The following SLC38A6 variants were observed in gnomAD, a reference collection of about 807,000 sequenced individuals.
The protein encoded by SLC38A6 is solute carrier family 38 member 6, also known as N system amino acid transporter NAT-1.
In SLC38A6, 73 loss-of-function variants were observed where a neutral mutation model predicts 65.0. The observed-to-expected ratio is 1.12, with a 90% CI of 0.93 to 1.37. The LOEUF is 1.37. Among genes scored for constraint, SLC38A6 ranks in the 40% most tolerant of loss-of-function variants. The probability of loss-of-function intolerance (pLI) is 0.00; values close to 1 mark genes in which losing one functional copy is unlikely to be tolerated. For missense variants in SLC38A6, 561 were observed against 531.1 expected (o/e 1.06, Z -0.55); for synonymous variants, 183 against 178.8 (o/e 1.02, Z -0.19).
intron 3 of SLC38A6, among the ~76,000 whole-genome samples, chr14:61,006,156 A>G (rs1472825527): frequency 6.6e-6 from 1 of 152,198 alleles, no homozygotes; most frequent in Non-Finnish European, 1.5e-5. Flanking sequence ...TCCCTTCCTT[A>G]CACCTTATAC....
intron 15 of SLC38A6, among the ~76,000 whole-genome samples, chr14:61,072,573 T>C (rs1375930376): frequency 6.6e-6 from 1 of 152,210 alleles, no homozygotes; most frequent in Non-Finnish European, 1.5e-5. Flanking sequence ...GCTCTGTATG[T>C]CCATGAATTC....
intron 13 of SLC38A6, among the ~76,000 whole-genome samples, chr14:61,051,556 A>G (rs902135487): frequency 2.0e-5 from 3 of 152,158 alleles, no homozygotes; most frequent in Non-Finnish European, 4.4e-5. Context: ...TTGCATGTGA[A>G]AACTTTTTCT....
At chr14:61,003,403 C>T (rs950923597) in intron 3 of SLC38A6, among the ~76,000 whole-genome samples, 2 of 151,994 alleles carry the variant, frequency 1.3e-5, no homozygotes, top group Non-Finnish European at 2.9e-5. Context: ...CATTGTTGAG[C>T]ATTTAGGTTA....
At chr14:60,995,358 G>A (rs1292991486) in intron 3 of SLC38A6, among the ~76,000 whole-genome samples, 1 of 152,172 alleles carries the variant, frequency 6.6e-6, no homozygotes, top group African/African-American at 2.4e-5. Flanking sequence ...AATGAAATGA[G>A]CCAGACACAG....
In SLC38A6 at chr14:61,037,133, C is replaced by T; in HGVS notation, c.557C>T (p.Pro186Leu). 1.3e-6 allele frequency: 2 copies of T among 1,598,558 alleles called. No individual in the cohort carries two copies. The highest frequency in any genetic ancestry group is 1.7e-6 in the Non-Finnish European group (2 of 1,171,794). Residue 186 changes from proline to leucine, a missense_variant, in exon 7 of 16, where the codon CCC becomes CTC. By Grantham distance (98) the Pro-to-Leu change is moderately conservative (BLOSUM62 -3). Transcript: ENST00000267488. ...ATTGTGTTCCCTCTTGCACTTCTTC[C>T]CAAAATAGGTAAGTCTTTATAGAGC... is the stretch of plus-strand genomic sequence containing the variant. ...VGIVFPLALL[P>L]KIGFLGYTSS...
intron 5 of SLC38A6, among the ~76,000 whole-genome samples, chr14:61,024,865 A>G (rs1436725777): frequency 6.6e-6 from 1 of 152,228 alleles, no homozygotes; most frequent in Non-Finnish European, 1.5e-5. Context: ...CAAAATGTGG[A>G]AAGATGAGTA....
At chr14:61,040,561 G>A (rs1252727795) in intron 8 of SLC38A6, among the ~76,000 whole-genome samples, 2 of 151,976 alleles carry the variant, frequency 1.3e-5, no homozygotes, top group South Asian at 2.1e-4. Flanking sequence ...GGATGGTCTC[G>A]ATCTCCAGAC....
chr14:60,992,294 C>G (rs1019733235), intron 3 of SLC38A6, among the ~76,000 whole-genome samples: 4 of 152,194 alleles, frequency 2.6e-5, no homozygotes, highest in African/African-American at 9.7e-5. Flanking sequence ...ACTTATCTTT[C>G]ATCTTTAATG....
At chr14:61,030,727 C>G in intron 6 of SLC38A6, 1 of 439,392 alleles carries the variant, frequency 2.3e-6, no homozygotes, top group South Asian at 3.1e-5. Flanking sequence ...AAGCGCTGTT[C>G]TGTGAACCAT....
intron 4 of SLC38A6, among the ~76,000 whole-genome samples, chr14:61,016,638 T>G (rs1390842426): frequency 6.6e-6 from 1 of 152,118 alleles, no homozygotes; most frequent in African/African-American, 2.4e-5. Flanking sequence ...TAATCAGGAG[T>G]TGAACGTTAC....
chr14:61,064,183 C>A (rs2042949309), intron 15 of SLC38A6, among the ~76,000 whole-genome samples: 1 of 152,160 alleles, frequency 6.6e-6, no homozygotes, highest in Non-Finnish European at 1.5e-5. Flanking sequence ...TAGAATGGTC[C>A]CAGGCCACAG....
chr14:60,992,321 C>T (rs1345550146), intron 3 of SLC38A6, among the ~76,000 whole-genome samples: 2 of 152,160 alleles, frequency 1.3e-5, no homozygotes, highest in East Asian at 3.8e-4. Context: ...ATGTGCTCCT[C>T]TTCCTGTACC....
At chr14:61,075,254 G>C (rs560507499) in intron 15 of SLC38A6, among the ~76,000 whole-genome samples, 1 of 152,294 alleles carries the variant, frequency 6.6e-6, no homozygotes, top group South Asian at 2.1e-4. Flanking sequence ...AAAGTCAGTA[G>C]ACACAAAAAT....
chr14:61,065,724 A>G (rs2042998533), intron 15 of SLC38A6, among the ~76,000 whole-genome samples: 1 of 152,226 alleles, frequency 6.6e-6, no homozygotes, highest in Admixed American at 6.5e-5. Context: ...GAATAAGGTT[A>G]TCTTAACACA....
chr14:61,016,073 T>A (rs1251625935), intron 4 of SLC38A6, 117 bp downstream of exon 4: 3 of 642,680 alleles, frequency 4.7e-6, no homozygotes, highest in Non-Finnish European at 7.5e-6. Context: ...AAAAGGAAAC[T>A]AAAGTGAGAA....
chr14:61,073,599 G>A (rs1306961250), intron 15 of SLC38A6, among the ~76,000 whole-genome samples: 1 of 151,978 alleles, frequency 6.6e-6, no homozygotes, highest in East Asian at 1.9e-4. Context: ...TAGCTAAATG[G>A]AAAGGCTCTC....
intron 15 of SLC38A6, among the ~76,000 whole-genome samples, chr14:61,078,061 G>T (rs1286463665): frequency 2.6e-5 from 4 of 152,202 alleles, no homozygotes; most frequent in African/African-American, 9.7e-5. Context: ...TCCAATGGAG[G>T]TGACCTCTAT....
At chr14:61,067,037 C>T (rs904852500) in intron 15 of SLC38A6, among the ~76,000 whole-genome samples, 3 of 152,092 alleles carry the variant, frequency 2.0e-5, no homozygotes, top group African/African-American at 7.2e-5. Flanking sequence ...TCTGACTGAA[C>T]ATTTTCAGAC....
At chr14:61,023,001 A>G (rs1186353977) in intron 5 of SLC38A6, among the ~76,000 whole-genome samples, 1 of 152,162 alleles carries the variant, frequency 6.6e-6, no homozygotes, top group Non-Finnish European at 1.5e-5. Flanking sequence ...CTTCTTGGGG[A>G]CAGGAACTAT....
Sources: gnomAD v4.1 joint callset for allele counts (sites outside exome capture counted in the v4.1 genomes callset) on GRCh38, gnomAD v4.1.1 for gene constraint, MANE v1.5 for transcripts, NCBI Gene and HGNC (gene_info 2026-07-23, HGNC 2026-07-21) for gene names.